The following SDHC variants were observed in gnomAD, a reference collection of about 807,000 sequenced individuals.
SDHC encodes succinate dehydrogenase complex subunit C.
A neutral mutation model predicts 22.6 loss-of-function variants in SDHC; 11 were observed. The observed-to-expected ratio is 0.49, with a 90% CI of 0.31 to 0.81. The LOEUF is 0.81. SDHC is among the 30% of genes least tolerant of loss of function. The pLI, the probability that SDHC is intolerant of heterozygous loss-of-function variation, is 0.05. For synonymous variants in SDHC, 80 were observed against 77.8 expected (o/e 1.03, Z -0.15); for missense variants, 160 against 212.0 (o/e 0.75, Z 1.52).
At chr1:161,349,154 GT>G (rs1672012192) in intron 4 of SDHC, among the ~76,000 whole-genome samples, 1 of 152,066 alleles carries the variant, frequency 6.6e-6, no homozygotes, top group African/African-American at 2.4e-5. Context: ...GGTCCTGCAT[GT>G]TTTGGGTAGT....
At chr1:161,352,509 G>T (rs1429930982) in intron 4 of SDHC, among the ~76,000 whole-genome samples, 1 of 152,016 alleles carries the variant, frequency 6.6e-6, no homozygotes, top group Non-Finnish European at 1.5e-5. Flanking sequence ...CCATAATCCC[G>T]CCAGTCAGAA....
chr1:161,328,286 G>GCAAC, intron 2 of SDHC, 110 bp from the exon 3 acceptor site: 1 of 879,648 alleles, frequency 1.1e-6, no homozygotes. Context: ...ACAGGCCTGA[G>GCAAC]CAACCATGCC....
intron 4 of SDHC, among the ~76,000 whole-genome samples, chr1:161,351,183 A>G (rs928519841): frequency 2.0e-5 from 3 of 152,072 alleles, no homozygotes; most frequent in Admixed American, 2.0e-4. Flanking sequence ...TAGTTCCTCC[A>G]TTTGCTCTAA....
At chr1:161,344,023 G>A (rs1671808162) in intron 4 of SDHC, among the ~76,000 whole-genome samples, 1 of 151,832 alleles carries the variant, frequency 6.6e-6, no homozygotes, top group South Asian at 2.1e-4. Flanking sequence ...ACCATCCTGG[G>A]CAACATATCA....
chr1:161,315,988 T>C (rs1242612176), intron 1 of SDHC, among the ~76,000 whole-genome samples: 1 of 151,912 alleles, frequency 6.6e-6, no homozygotes, highest in Admixed American at 6.6e-5. Flanking sequence ...AATTAAGTGG[T>C]GTGCTTTAGA....
chr1:161,315,105 C>T (rs959180858), intron 1 of SDHC, among the ~76,000 whole-genome samples: 3 of 152,208 alleles, frequency 2.0e-5, no homozygotes, highest in Non-Finnish European at 4.4e-5. Flanking sequence ...TCATTCTGAA[C>T]TTTCCGCTGT....
chr1:161,361,008 A>G (rs1386126484), intron 5 of SDHC, among the ~76,000 whole-genome samples: 1 of 151,888 alleles, frequency 6.6e-6, no homozygotes, highest in African/African-American at 2.4e-5. Flanking sequence ...AGCCACTGGC[A>G]GGGCTGAGGC....
At chr1:161,325,189 A>C (rs1671004560) in intron 2 of SDHC, among the ~76,000 whole-genome samples, 1 of 152,126 alleles carries the variant, frequency 6.6e-6, no homozygotes. Flanking sequence ...CCTGGGCAGT[A>C]GAGTGAGACC....
chr1:161,343,626 GATTC>G (rs1421195473), intron 4 of SDHC, among the ~76,000 whole-genome samples: 1 of 152,066 alleles, frequency 6.6e-6, no homozygotes, highest in African/African-American at 2.4e-5. Context: ...TCTAACTGTA[GATTC>G]ATAATTACTT....
At chr1:161,361,929 T>A (rs2102383432) in intron 5 of SDHC, among the ~76,000 whole-genome samples, 1 of 152,204 alleles carries the variant, frequency 6.6e-6, no homozygotes, top group South Asian at 2.1e-4. Flanking sequence ...TTTTTTTTTT[T>A]TGGCCCATAC....
chr1:161,335,479 A>G lies in SDHC; in HGVS notation c.180-5115A>G, dbSNP rs576014601. ...TGTAATGTTGCTAATTTTATATATTATAATAATATTTTCTAGATTTGTTTG... is the reference window on the plus strand; with the variant it reads ...TGTAATGTTGCTAATTTTATATATTGTAATAATATTTTCTAGATTTGTTTG... On this transcript the variant is annotated intron_variant, in intron 3 of 5. Coordinates refer to ENST00000367975, the MANE Select transcript of SDHC (RefSeq NM_003001.5). Among the ~76,000 whole-genome samples, 6 of 152,270 alleles carry G rather than the reference A, an allele frequency of 3.9e-5. No individual in the cohort carries two copies. In the South Asian group the frequency reaches 1.2e-3, roughly 32 times the overall value.
At chr1:161,346,081 A>C (rs956619247) in intron 4 of SDHC, among the ~76,000 whole-genome samples, 1 of 152,240 alleles carries the variant, frequency 6.6e-6, no homozygotes, top group Non-Finnish European at 1.5e-5. Context: ...TTGGGATTAC[A>C]GGCGTGAGCC....
intron 1 of SDHC, among the ~76,000 whole-genome samples, chr1:161,315,802 A>G (rs911568472): frequency 6.0e-5 from 9 of 149,880 alleles, no homozygotes; most frequent in African/African-American, 1.3e-4. Context: ...AAGTATAGAG[A>G]AAGAAAAAAG....
chr1:161,344,827 CATG>C (rs1671839491), intron 4 of SDHC, among the ~76,000 whole-genome samples: 1 of 152,308 alleles, frequency 6.6e-6, no homozygotes, highest in East Asian at 1.9e-4. Context: ...GGATGAAAAA[CATG>C]ATACCTTTAA....
chr1:161,327,463 T>C (rs1671098809), intron 2 of SDHC, among the ~76,000 whole-genome samples: 4 of 152,244 alleles, frequency 2.6e-5, no homozygotes, highest in African/African-American at 9.6e-5. Context: ...TCCTTGCAGG[T>C]ATTACCAAGC....
chr1:161,339,669 T>TTTTGTTTGTTTG, intron 3 of SDHC: 3 of 305,152 alleles, frequency 9.8e-6, no homozygotes, highest in African/African-American at 9.2e-5. Flanking sequence ...GGTGTTTTTT[T>TTTTGTTTGTTTG]TTTTTTTTTT....
intron 1 of SDHC, among the ~76,000 whole-genome samples, chr1:161,321,622 T>C (rs12069801): frequency 0.078 from 11,869 of 152,276 alleles, 517 homozygotes; most frequent in South Asian, 0.16. Context: ...ACAATGTCTG[T>C]ATTCACCTCT....
At chr1:161,329,305 AG>A (rs1671188215) in intron 3 of SDHC, among the ~76,000 whole-genome samples, 2 of 151,930 alleles carry the variant, frequency 1.3e-5, no homozygotes, top group Non-Finnish European at 2.9e-5. Context: ...ATGATATCCA[AG>A]TATTATTCCT....
At chr1:161,318,540 A>G (rs1670712087) in intron 1 of SDHC, among the ~76,000 whole-genome samples, 1 of 152,186 alleles carries the variant, frequency 6.6e-6, no homozygotes, top group Non-Finnish European at 1.5e-5. Context: ...CCTTAAACAC[A>G]AAGTCACCAA....
Sources: gnomAD v4.1 joint callset for allele counts (sites outside exome capture counted in the v4.1 genomes callset) on GRCh38, gnomAD v4.1.1 for gene constraint, MANE v1.5 for transcripts, NCBI Gene and HGNC (gene_info 2026-07-23, HGNC 2026-07-21) for gene names.